The following DPYD variants were observed in gnomAD, a reference collection of about 807,000 sequenced individuals.
DPYD encodes dihydropyrimidine dehydrogenase.
DPYD carries 109 observed loss-of-function variants against 116.2 expected under a neutral mutation model. The ratio of observed to expected loss-of-function variants is 0.94; its 90% CI spans 0.80 to 1.10. The LOEUF is 1.10. Ranked by LOEUF, DPYD falls within the 50% of genes least tolerant of loss-of-function variation. The probability of loss-of-function intolerance (pLI) is 0.00; values close to 1 mark genes in which losing one functional copy is unlikely to be tolerated. For missense variants in DPYD, 1,302 were observed against 1,254.5 expected (o/e 1.04, Z -0.57); for synonymous variants, 440 against 432.0 (o/e 1.02, Z -0.23).
In DPYD at chr1:97,170,848, G is replaced by A. The variant is rs1299701204; in HGVS notation, c.2622+22221C>T. On this transcript the variant is annotated intron_variant, in intron 20 of 22. Transcript: ENST00000370192. ...AAGCCACCACACCCAGTTAATTTTTGTATTTTTAGTAGAGATGGGGTTTCA... is the reference window on the plus strand; with the variant it reads ...AAGCCACCACACCCAGTTAATTTTTATATTTTTAGTAGAGATGGGGTTTCA... Among the ~76,000 whole-genome samples the A allele has an allele frequency of 2.9e-4, 44 of 151,804 alleles. 1 individual carries two copies. Among genetic ancestry groups the A allele is most frequent in the Admixed American group, 2.9e-3 (44 of 15,228 alleles).
At chr1:97,666,501 T>C (rs953515605) in intron 8 of DPYD, among the ~76,000 whole-genome samples, 2 of 152,102 alleles carry the variant, frequency 1.3e-5, no homozygotes, top group South Asian at 2.1e-4. Flanking sequence ...GTGTTTTTTT[T>C]CTTTGATTAC....
intron 4 of DPYD, among the ~76,000 whole-genome samples, chr1:97,730,634 T>C (rs951945907): frequency 1.4e-4 from 21 of 152,072 alleles, no homozygotes; most frequent in Non-Finnish European, 2.4e-4. Context: ...ATTTTAAAAT[T>C]ATAAAAGCCC....
intron 18 of DPYD, among the ~76,000 whole-genome samples, chr1:97,251,668 C>T (rs1217871111): frequency 6.6e-6 from 1 of 152,128 alleles, no homozygotes; most frequent in Non-Finnish European, 1.5e-5. Flanking sequence ...CATACACACA[C>T]ACACATTGTC....
intron 13 of DPYD, among the ~76,000 whole-genome samples, chr1:97,456,693 T>C (rs1283451476): frequency 3.3e-5 from 5 of 152,240 alleles, no homozygotes; most frequent in South Asian, 2.1e-4. Context: ...AATTGAGAGC[T>C]GGGCAACTAG....
At chr1:97,863,294 A>C (rs1411255510) in intron 2 of DPYD, among the ~76,000 whole-genome samples, 2 of 151,976 alleles carry the variant, frequency 1.3e-5, no homozygotes, top group African/African-American at 4.8e-5. Flanking sequence ...CTATAAAGTA[A>C]AGGTCTGAAA....
chr1:97,631,407 A>G (rs1029464504), intron 8 of DPYD, among the ~76,000 whole-genome samples: 2 of 152,104 alleles, frequency 1.3e-5, no homozygotes, highest in Non-Finnish European at 2.9e-5. Context: ...GTGAAATGTC[A>G]ATCTTGGGCC....
intron 8 of DPYD, among the ~76,000 whole-genome samples, chr1:97,631,080 GA>G (rs1657229794): frequency 6.6e-6 from 1 of 152,060 alleles, no homozygotes; most frequent in Non-Finnish European, 1.5e-5. Context: ...CAAGCTTACT[GA>G]TTTTCATTTG....
rs565970106 is a variant in DPYD at position 97,844,556 on chromosome 1, G to A, written c.151-16360C>T. Reference sequence around the variant, plus strand: ...AGAGCTTTGGGTCAGTGAACATGTGGAGGTGCTGGTGATAACAGCGGTGGT... The same window carrying A: ...AGAGCTTTGGGTCAGTGAACATGTGAAGGTGCTGGTGATAACAGCGGTGGT... On this transcript the variant is annotated intron_variant, in intron 2 of 22. Coordinates refer to ENST00000370192, the MANE Select transcript of DPYD (RefSeq NM_000110.4). 3.3e-5 allele frequency among the ~76,000 whole-genome samples: 5 copies of A among 152,338 alleles called. No homozygotes were observed. In the East Asian group the frequency reaches 9.6e-4, roughly 29 times the overall value.
At chr1:97,668,812 T>A (rs544452366) in intron 8 of DPYD, among the ~76,000 whole-genome samples, 1 of 152,114 alleles carries the variant, frequency 6.6e-6, no homozygotes, top group East Asian at 1.9e-4. Context: ...ATATAAATGA[T>A]AAGGCTCAAT....
chr1:97,476,048 T>C (rs1019252387), intron 13 of DPYD, among the ~76,000 whole-genome samples: 3 of 152,080 alleles, frequency 2.0e-5, no homozygotes, highest in South Asian at 2.1e-4. Flanking sequence ...AAAGAGTAAA[T>C]AGATCCCAGA....
intron 11 of DPYD, among the ~76,000 whole-genome samples, chr1:97,569,916 A>G (rs2102167870): frequency 6.6e-6 from 1 of 152,126 alleles, no homozygotes; most frequent in Non-Finnish European, 1.5e-5. Context: ...AGAATTATGT[A>G]AAGTAATGAT....
At chr1:97,855,299 C>G (rs1367994025) in intron 2 of DPYD, 3 of 152,278 alleles carry the variant, frequency 2.0e-5, no homozygotes, top group South Asian at 2.1e-4. Flanking sequence ...ACTGCTATGA[C>G]AGGTGACGGT....
chr1:97,550,371 G>A (rs1312423383), intron 11 of DPYD, among the ~76,000 whole-genome samples: 1 of 151,850 alleles, frequency 6.6e-6, no homozygotes, highest in Admixed American at 6.6e-5. Context: ...AATTCCTTGT[G>A]GAAATTGCTC....
chr1:97,407,404 T>C (rs567344495), intron 14 of DPYD, among the ~76,000 whole-genome samples: 12 of 152,328 alleles, frequency 7.9e-5, no homozygotes, highest in African/African-American at 2.9e-4. Flanking sequence ...TATGATTGCA[T>C]GTTTAATGCA....
chr1:97,090,821 T>A (rs1649850243), intron 21 of DPYD, among the ~76,000 whole-genome samples: 1 of 152,186 alleles, frequency 6.6e-6, no homozygotes, highest in Non-Finnish European at 1.5e-5. Context: ...TACATCTCCA[T>A]CGAGATTACA....
chr1:97,638,941 G>T (rs1657724849), intron 8 of DPYD, among the ~76,000 whole-genome samples: 1 of 152,066 alleles, frequency 6.6e-6, no homozygotes, highest in African/African-American at 2.4e-5. Flanking sequence ...ATTTGGATGG[G>T]ATAAACATCC....
At chr1:97,916,972 C>T (rs552416668) in intron 1 of DPYD, among the ~76,000 whole-genome samples, 1 of 152,260 alleles carries the variant, frequency 6.6e-6, no homozygotes, top group South Asian at 2.1e-4. Flanking sequence ...CACATTTCTA[C>T]TATCCAGCTA....
At chr1:97,187,343 G>GT (rs879804494) in intron 20 of DPYD, among the ~76,000 whole-genome samples, 1 of 152,064 alleles carries the variant, frequency 6.6e-6, no homozygotes, top group Non-Finnish European at 1.5e-5. Context: ...ATGTTGAACA[G>GT]TTTTTTATAT....
chr1:97,597,896 C>T (rs1654989169), intron 8 of DPYD, among the ~76,000 whole-genome samples: 1 of 152,148 alleles, frequency 6.6e-6, no homozygotes. Context: ...TGATTTTCCA[C>T]TACTTCATTT....
Sources: allele counts gnomAD v4.1 joint callset (sites outside exome capture counted in the v4.1 genomes callset), GRCh38; gene constraint gnomAD v4.1.1; transcripts MANE v1.5; gene names NCBI Gene and HGNC (gene_info 2026-07-23, HGNC 2026-07-21).